KLHL36: variants seen among roughly 807,000 people sequenced by gnomAD.
KLHL36 encodes kelch like family member 36.
A neutral mutation model predicts 53.3 loss-of-function variants in KLHL36; 35 were observed. The observed-to-expected ratio is 0.66, with a 90% CI of 0.50 to 0.87. The LOEUF (loss-of-function observed/expected upper bound fraction) is 0.87, where lower values mean the gene tolerates loss of function less well. Among genes scored for constraint, KLHL36 ranks in the 40% least tolerant of loss-of-function variants. The pLI is 0.00. For missense variants in KLHL36, 864 were observed against 897.6 expected (o/e 0.96, Z 0.48); for synonymous variants, 472 against 398.9 (o/e 1.18, Z -2.18).
chr16:84,653,466 A>G (rs1037578753), intron 2 of KLHL36, among the ~76,000 whole-genome samples: 2 of 152,112 alleles, frequency 1.3e-5, no homozygotes, highest in African/African-American at 4.8e-5. Flanking sequence ...ATGTCCCTTT[A>G]TAATTGGGAA....
chr16:84,657,875 G>A lies in KLHL36; in HGVS notation c.1068G>A (p.Arg356=). 6.3e-7 allele frequency: 1 copy of A among 1,578,230 alleles called. No homozygotes were observed. The change falls in exon 3 of 5, where the codon CGG becomes CGA. Residue 356 remains arginine (R), a synonymous_variant. Coordinates refer to ENST00000564996, the MANE Select transcript of KLHL36 (RefSeq NM_024731.4). The part of the protein sequence containing the change: ...FIFIAGGSFS[R]DNGGDAASNL... ...TCATCGCCGGCGGCAGCTTCTCACG[G>A]GACAACGGAGGGGATGCGGCCTCCA...
At chr16:84,652,559 A>G (rs773776324) in intron 2 of KLHL36, among the ~76,000 whole-genome samples, 27 of 152,122 alleles carry the variant, frequency 1.8e-4, no homozygotes, top group South Asian at 1.2e-3. Context: ...GCGAGCCACC[A>G]TGACTGGCCT....
At position 84,659,862 on chromosome 16, in the gene KLHL36, G is replaced by T. The variant is rs1162632850; in HGVS notation, c.1240G>T (p.Val414Leu). 1.2e-6 allele frequency: 2 copies of T among 1,614,178 alleles called. No individual in the cohort carries two copies. The highest frequency in any genetic ancestry group is 2.2e-5 in the South Asian group (2 of 91,090). ...GRNENGALSSVETYSPKTDSW... is the reference protein window; with the variant it reads ...GRNENGALSSLETYSPKTDSW... ...GAATGAGAACGGAGCGCTCTCTTCAGTAGAGACGTACAGTCCCAAGACTGA... is the reference window on the plus strand; with the variant it reads ...GAATGAGAACGGAGCGCTCTCTTCATTAGAGACGTACAGTCCCAAGACTGA... Residue 414 changes from valine (V) to leucine (L), a missense_variant, in exon 4 of 5, where the codon GTA becomes TTA. Val to Leu is a conservative substitution (Grantham distance 32). Coordinates refer to ENST00000564996, the MANE Select transcript of KLHL36 (RefSeq NM_024731.4).
intron 2 of KLHL36, among the ~76,000 whole-genome samples, chr16:84,656,553 A>T (rs1213389032): frequency 6.9e-6 from 1 of 144,702 alleles, no homozygotes; most frequent in Non-Finnish European, 1.5e-5. Context: ...AATCACTTGA[A>T]CCCGGGAGGC....
At chr16:84,653,595 T>C (rs72797508) in intron 2 of KLHL36, among the ~76,000 whole-genome samples, 3,874 of 152,132 alleles carry the variant, frequency 0.025, 65 homozygotes, top group Non-Finnish European at 0.041. Context: ...TCTACTGATA[T>C]ATGTATATAT....
At chr16:84,651,761 G>A (rs1020992950) in intron 2 of KLHL36, among the ~76,000 whole-genome samples, 6 of 152,082 alleles carry the variant, frequency 3.9e-5, no homozygotes, top group Non-Finnish European at 7.4e-5. Flanking sequence ...TTATGCATAA[G>A]ACACAATTAT....
rs2150714456 is a variant in KLHL36, at chr16:84,648,794, G to A, written c.-17+145G>A. On this transcript the variant is annotated intron_variant, in intron 1 of 4. Coordinates refer to ENST00000564996, the MANE Select transcript of KLHL36 (RefSeq NM_024731.4). The surrounding 1 kb of genome is among the most constrained non-coding windows in gnomAD (Gnocchi z 4.9). ...GCGCCCCTTGGTGCCGGGGCGGGCG[G>A]GTGGGCGAGTGGGGGCGCCGCGGCC... 6.7e-6 allele frequency: 1 copy of A among 149,394 alleles called. No individual in the cohort carries two copies. The highest frequency in any genetic ancestry group is 2.1e-4 in the South Asian group (1 of 4,800). 9.3% of individuals were successfully genotyped at this position (149,394 alleles called of 1,614,324 possible).
At position 84,664,115 on chromosome 16, in the gene KLHL36, C is replaced by G. The variant is rs565871091; in HGVS notation, c.*1982C>G. The G allele has an allele frequency of 6.6e-6, 1 of 152,320 alleles. No individual in the cohort carries two copies. The highest frequency in any genetic ancestry group is 2.1e-4 in the South Asian group (1 of 4,826). 9.4% of individuals were successfully genotyped at this position (152,320 alleles called of 1,614,324 possible). A position where few individuals can be genotyped will look rare whatever the true frequency, so the allele number is the denominator to read the frequency against. On this transcript the variant is annotated 3_prime_UTR_variant, in exon 5 of 5. Transcript: ENST00000564996. The stretch of plus-strand genomic sequence containing the variant: ...GAGCCTAAAAGTCGTTTGTCTCATA[C>G]CTAGTCCCAGACCCCCACAAAACAT...
Position 84,661,852 on chromosome 16 carries a change from A to T in KLHL36, c.1570A>T (p.Asn524Tyr), listed in dbSNP as rs1907572972. Residue 524 changes from asparagine (N) to tyrosine (Y), a missense_variant, in exon 5 of 5, where the codon AAC (asparagine) becomes TAC (tyrosine). Transcript: ENST00000564996. This position sits in a 1 kb window ranked among gnomAD's most constrained non-coding sequence, Gnocchi z 7.9. ...CGTGGAGGCCTACAGCCCGCAGTGCAACCAGTGGACCCGCGTGGCGCCGCT... is the reference window on the plus strand; with the variant it reads ...CGTGGAGGCCTACAGCCCGCAGTGCTACCAGTGGACCCGCGTGGCGCCGCT... ...LGVEAYSPQC[N>Y]QWTRVAPLLH... is the part of the protein sequence containing the mutation. The T allele has an allele frequency of 6.2e-7, 1 of 1,603,550 alleles. No individual in the cohort carries two copies. The highest frequency in any genetic ancestry group is 1.1e-5 in the South Asian group (1 of 90,802).
rs1259776783 is a variant in KLHL36 at position 84,665,106 on chromosome 16, C to G, written c.*2973C>G. 6.6e-6 allele frequency: 1 copy of G among 152,182 alleles called. No homozygotes were observed. Among genetic ancestry groups the G allele is most frequent in the Non-Finnish European group, 1.5e-5 (1 of 68,030 alleles). The allele number at this position is 152,182 out of a possible 1,614,324, so 9.4% of individuals were successfully genotyped here. ...AGTGGCCATTTGAACCGCACAGTCA[C>G]GAATGTGGGGTTTTAAACTAGAGTG... is the stretch of plus-strand genomic sequence containing the variant. On this transcript the variant is annotated 3_prime_UTR_variant, in exon 5 of 5. Transcript: ENST00000564996.
At chr16:84,656,741 C>A (rs1907224425) in intron 2 of KLHL36, 130 bp from the exon 3 acceptor site, 1 of 685,990 alleles carries the variant, frequency 1.5e-6, no homozygotes. Context: ...CCTGCAGTGC[C>A]CTCTGATGCA....
chr16:84,659,712 C>G, intron 3 of KLHL36, 48 bp from the exon 4 acceptor site: 1 of 1,589,198 alleles, frequency 6.3e-7, no homozygotes, highest in Non-Finnish European at 8.6e-7. Flanking sequence ...GATGTTGATG[C>G]TGTCCCGGGT....
At chr16:84,652,222 T>C (rs1222532275) in intron 2 of KLHL36, among the ~76,000 whole-genome samples, 2 of 152,190 alleles carry the variant, frequency 1.3e-5, no homozygotes, top group Non-Finnish European at 2.9e-5. Context: ...TGTTTCTGTC[T>C]GAACTGAATC....
At chr16:84,652,834 A>G (rs1906980495) in intron 2 of KLHL36, among the ~76,000 whole-genome samples, 1 of 152,174 alleles carries the variant, frequency 6.6e-6, no homozygotes, top group South Asian at 2.1e-4. Context: ...GTGTTGCTGC[A>G]TGTAGTTGGT....
rs180864077 is a variant in KLHL36, at chr16:84,655,123, G to T, written c.64-1748G>T. ...CAGCCTGGAATGGAAGAGCGGGAGA[G>T]CCCGTCCTCTGAACTCAGAAGGAAA... On this transcript the variant is annotated intron_variant, in intron 2 of 4. Coordinates refer to ENST00000564996, the MANE Select transcript of KLHL36 (RefSeq NM_024731.4). 1.4e-4 allele frequency among the ~76,000 whole-genome samples: 21 copies of T among 152,324 alleles called. No homozygotes were observed. The East Asian group carries it at 3.5e-3, about 25-fold the overall frequency.
Position 84,659,757 on chromosome 16 carries a change from C to T in KLHL36, c.1138-3C>T. On this transcript the variant is annotated splice_region_variant and splice_polypyrimidine_tract_variant and intron_variant, in intron 3 of 4. Transcript: ENST00000564996. ...GGAAGGTACAGGTATCTCAACTCCA[C>T]AGGTGGCCTCCATGAACCAGCGCCG... 3 of 1,614,010 alleles carry T rather than the reference C, an allele frequency of 1.9e-6. No individual in the cohort carries two copies. The highest frequency in any genetic ancestry group is 2.5e-6 in the Non-Finnish European group (3 of 1,179,892).
intron 3 of KLHL36, chr16:84,659,499 CG>C: frequency 9.4e-6 from 4 of 426,902 alleles, no homozygotes; most frequent in East Asian, 4.0e-5. Flanking sequence ...CAGAGAAGTT[CG>C]GGGGTTCAGA....
At position 84,657,815 on chromosome 16, in the gene KLHL36, C is replaced by G; in HGVS notation, c.1008C>G (p.Ser336Arg). 4 of 1,606,590 alleles carry G rather than the reference C, an allele frequency of 2.5e-6. No individual in the cohort carries two copies. Among genetic ancestry groups the G allele is most frequent in the Non-Finnish European group, 3.4e-6 (4 of 1,175,150 alleles). The part of the protein sequence containing the change: ...VKETPLPARR[S>R]HHCVAVLGGF... ...AGACGCCGCTGCCCGCCCGGCGGAG[C>G]CACCACTGTGTCGCGGTGCTGGGGG... The change falls in exon 3 of 5, where the codon AGC becomes AGG. Residue 336 changes from serine (S) to arginine (R), a missense_variant. Transcript: ENST00000564996.
chr16:84,658,045 C>T (rs1173725502), intron 3 of KLHL36, 101 bp downstream of exon 3: 10 of 866,054 alleles, frequency 1.2e-5, no homozygotes, highest in African/African-American at 1.7e-5. Context: ...TGACAACTAT[C>T]CTGCTTCTGA....
Sources: gnomAD v4.1 joint callset for allele counts (sites outside exome capture counted in the v4.1 genomes callset) on GRCh38, gnomAD v4.1.1 for gene constraint, Gnocchi (gnomAD v3.1) non-coding constraint, MANE v1.5 for transcripts, NCBI Gene and HGNC (gene_info 2026-07-23, HGNC 2026-07-21) for gene names.